WDR49: variants seen among roughly 807,000 people sequenced by gnomAD.
WDR49 encodes WD repeat domain 49, also known as cilia- and flagella-associated protein 337.
A neutral mutation model predicts 119.5 loss-of-function variants in WDR49; 107 were observed. That is an observed-to-expected ratio of 0.90 (90% CI 0.77 to 1.05). The LOEUF is 1.05. WDR49 is among the 50% of genes least tolerant of loss of function. WDR49 has a pLI of 0.00. For synonymous variants in WDR49, 425 were observed against 418.8 expected (o/e 1.01, Z -0.18); for missense variants, 1,240 against 1,220.5 (o/e 1.02, Z -0.24).
chr3:167,504,748 A>T (rs1448528695), intron 17 of WDR49, among the ~76,000 whole-genome samples: 1 of 152,146 alleles, frequency 6.6e-6, no homozygotes, highest in Non-Finnish European at 1.5e-5. Context: ...CCCAAATCTC[A>T]TGTTGAAATG....
chr3:167,500,688 T>G (rs1048846118), intron 17 of WDR49, among the ~76,000 whole-genome samples: 6 of 152,206 alleles, frequency 3.9e-5, no homozygotes, highest in African/African-American at 1.2e-4. Context: ...ACATCTAAAA[T>G]TTTGAATTGG....
intron 10 of WDR49, among the ~76,000 whole-genome samples, chr3:167,539,900 A>T (rs1711680684): frequency 6.6e-6 from 1 of 152,156 alleles, no homozygotes; most frequent in Non-Finnish European, 1.5e-5. Flanking sequence ...CTACAACAGC[A>T]GTGTCTAGAA....
intron 10 of WDR49, 119 bp from the exon 11 acceptor site, chr3:167,537,119 T>A (rs1711515746): frequency 4.0e-6 from 4 of 990,034 alleles, no homozygotes; most frequent in Non-Finnish European, 5.3e-6. Context: ...GCCCAAAATT[T>A]ATCCCCACTT....
At chr3:167,620,231 T>C (rs1020323008) in intron 5 of WDR49, among the ~76,000 whole-genome samples, 198 bp downstream of exon 5, 3 of 151,100 alleles carry the variant, frequency 2.0e-5, no homozygotes, top group Admixed American at 2.0e-4. Flanking sequence ...GTATGAGGCA[T>C]AAATTCAGAA....
At chr3:167,554,542 T>A in intron 10 of WDR49, 108 bp downstream of exon 10, 1 of 592,164 alleles carries the variant, frequency 1.7e-6, no homozygotes, top group Non-Finnish European at 2.9e-6. Flanking sequence ...AACTAGGGTA[T>A]CACTCACCTA....
chr3:167,648,331 T>G (rs1373326685), intron 2 of WDR49, among the ~76,000 whole-genome samples: 1 of 152,110 alleles, frequency 6.6e-6, no homozygotes, highest in Non-Finnish European at 1.5e-5. Context: ...TTTAGTTCAG[T>G]TACAACAGAA....
rs983343294 is a variant in WDR49, at chr3:167,593,448, A to AT, written c.1275+8678dup. Among the ~76,000 whole-genome samples, 15 of 151,730 alleles carry AT rather than the reference A, an allele frequency of 9.9e-5. No homozygotes were observed. The South Asian group carries it at 2.1e-3, about 21-fold the overall frequency. The stretch of plus-strand genomic sequence containing the variant: ...TTTTCAACTTTAGAATTTCTGCTTG[A>AT]TTTTTTTAACAATGTTAATGTCTTT... On this transcript the variant is annotated intron_variant, in intron 7 of 18. Transcript: ENST00000682715.
chr3:167,481,271 T>C (rs1257731465), intron 18 of WDR49, among the ~76,000 whole-genome samples: 1 of 151,974 alleles, frequency 6.6e-6, no homozygotes, highest in East Asian at 1.9e-4. Context: ...TTGACAAAAA[T>C]TAAATTTTAA....
At chr3:167,523,558 C>T (rs969365261) in intron 15 of WDR49, among the ~76,000 whole-genome samples, 8 of 152,024 alleles carry the variant, frequency 5.3e-5, no homozygotes, top group Non-Finnish European at 7.4e-5. Context: ...TCCCCCACCC[C>T]GCAACAGTCC....
At chr3:167,536,745 A>C (rs1047902540) in intron 11 of WDR49, 125 bp downstream of exon 11, 2 of 338,058 alleles carry the variant, frequency 5.9e-6, no homozygotes, top group Non-Finnish European at 8.8e-6. Context: ...ACACACACAC[A>C]CATACATATA....
chr3:167,655,775 G>A (rs1232999348), upstream of WDR49, among the ~76,000 whole-genome samples: 1 of 152,134 alleles, frequency 6.6e-6, no homozygotes, highest in African/African-American at 2.4e-5. Context: ...GCAGGCGCCT[G>A]TAATCCCAGC....
At chr3:167,580,867 A>G (rs1218698436) in intron 7 of WDR49, among the ~76,000 whole-genome samples, 1 of 152,186 alleles carries the variant, frequency 6.6e-6, no homozygotes, top group African/African-American at 2.4e-5. Flanking sequence ...CAGATATCCT[A>G]GAAGGGTTTT....
At chr3:167,511,753 T>G (rs1342189156) in intron 16 of WDR49, among the ~76,000 whole-genome samples, 1 of 152,058 alleles carries the variant, frequency 6.6e-6, no homozygotes. Context: ...GTGGCTCCAA[T>G]CAGCCGTTTT....
chr3:167,633,363 C>T (rs1212280881), intron 2 of WDR49: 2 of 433,836 alleles, frequency 4.6e-6, no homozygotes, highest in Non-Finnish European at 9.2e-6. Flanking sequence ...CTCAAAGGCA[C>T]AAATAGAAAG....
rs376503635 is a variant in WDR49, at chr3:167,536,756, C to CAT, written c.1954+112_1954+113dup. 3.0e-3 allele frequency: 1,212 copies of CAT among 399,112 alleles called. 2 individuals are homozygous for CAT. The highest frequency in any genetic ancestry group is 6.8e-3 in the Middle Eastern group (7 of 1,036). 24.7% of individuals were successfully genotyped at this position (399,112 alleles called of 1,614,324 possible). A position where few individuals can be genotyped will look rare whatever the true frequency, so the allele number is the denominator to read the frequency against. On this transcript the variant is annotated intron_variant, in intron 11 of 18. Transcript: ENST00000682715. ...ATACACACACACACACATACATATA[C>CAT]ATATATATATATATAAAACAACTGA... is the stretch of plus-strand genomic sequence containing the variant.
chr3:167,633,894 A>G (rs1390544874), intron 2 of WDR49, among the ~76,000 whole-genome samples: 2 of 152,010 alleles, frequency 1.3e-5, no homozygotes, highest in Non-Finnish European at 1.5e-5. Context: ...ACTCTATTCA[A>G]GCATTAATTA....
At chr3:167,626,532 T>C (rs942857549) in intron 3 of WDR49, among the ~76,000 whole-genome samples, 5 of 152,020 alleles carry the variant, frequency 3.3e-5, no homozygotes, top group African/African-American at 1.2e-4. Flanking sequence ...CTTAAATCCA[T>C]TGAATCTTGC....
chr3:167,610,815 C>A (rs1429495818), intron 5 of WDR49, among the ~76,000 whole-genome samples: 1 of 152,190 alleles, frequency 6.6e-6, no homozygotes, highest in East Asian at 1.9e-4. Flanking sequence ...GTCACTCCAC[C>A]CCCAGCTTTA....
chr3:167,646,262 T>C (rs1315206491), intron 2 of WDR49, among the ~76,000 whole-genome samples: 1 of 152,112 alleles, frequency 6.6e-6, no homozygotes, highest in Non-Finnish European at 1.5e-5. Context: ...AAGGAATAGA[T>C]CTTCCCATTC....
Sources: allele counts gnomAD v4.1 joint callset (sites outside exome capture counted in the v4.1 genomes callset), GRCh38; gene constraint gnomAD v4.1.1; transcripts MANE v1.5; gene names NCBI Gene and HGNC (gene_info 2026-07-23, HGNC 2026-07-21).